PDZRN3: variants seen among roughly 807,000 people sequenced by gnomAD.
The protein encoded by PDZRN3 is E3 ubiquitin-protein ligase PDZRN3.
A neutral mutation model predicts 85.7 loss-of-function variants in PDZRN3; 38 were observed. The ratio of observed to expected loss-of-function variants is 0.44; its 90% CI spans 0.34 to 0.58. The LOEUF (loss-of-function observed/expected upper bound fraction) is 0.58, where lower values mean the gene tolerates loss of function less well. Among genes scored for constraint, PDZRN3 ranks in the 20% least tolerant of loss-of-function variants. The pLI is 0.01. For missense variants in PDZRN3, 1,629 were observed against 1,506.4 expected, an observed-to-expected ratio of 1.08 and a Z score of -1.35; for synonymous variants, 759 against 638.0, an observed-to-expected ratio of 1.19 and a Z score of -2.86.
chr3:73,569,194 G>A (rs750826285), intron 3 of PDZRN3: 1 of 1,289,014 alleles, frequency 7.8e-7, no homozygotes, highest in South Asian at 1.2e-5. Flanking sequence ...TGATTCATCA[G>A]GAGGAATCAG....
At chr3:73,387,907 C>G (rs1701431589) in intron 8 of PDZRN3, 61 bp downstream of exon 8, 1 of 783,824 alleles carries the variant, frequency 1.3e-6, no homozygotes, top group Non-Finnish European at 2.1e-6. Context: ...CTTTTGCAGG[C>G]CTGGGGATCT....
intron 3 of PDZRN3, among the ~76,000 whole-genome samples, chr3:73,428,564 G>A (rs188815242): frequency 8.3e-4 from 126 of 152,248 alleles, no homozygotes; most frequent in African/African-American, 3.0e-3. Context: ...GGGCACCTTG[G>A]AATACTTCAG....
Position 73,389,838 on chromosome 3 carries a change from C to T in PDZRN3, c.1394G>A (p.Arg465Gln), listed in dbSNP as rs187848097. The change falls in exon 7 of 10, where the codon CGA becomes CAA. Residue 465 changes from arginine to glutamine, a missense_variant. By Grantham distance (43) the Arg-to-Gln change is conservative. Coordinates refer to ENST00000263666, the MANE Select transcript of PDZRN3 (RefSeq NM_015009.3). ...TACCTGGATAATGCGGTCTCCTTCT[C>T]GGATGCGCCCATCCTTGGCTGCAAT... is the stretch of plus-strand genomic sequence containing the variant. ...NSIAAKDGRI[R>Q]EGDRIIQING... is the part of the protein sequence containing the mutation. 2.0e-5 allele frequency: 32 copies of T among 1,613,674 alleles called. No homozygotes were observed. Among genetic ancestry groups the T allele is most frequent in the African/African-American group, 2.7e-5 (2 of 75,010 alleles).
intron 3 of PDZRN3, among the ~76,000 whole-genome samples, chr3:73,491,865 C>T (rs1204520958): frequency 1.3e-5 from 2 of 151,972 alleles, no homozygotes; most frequent in African/African-American, 4.8e-5. Context: ...CCTTCCAAAG[C>T]ATTGGGATTA....
chr3:73,500,952 C>T (rs1460562698), intron 3 of PDZRN3, among the ~76,000 whole-genome samples: 1 of 152,094 alleles, frequency 6.6e-6, no homozygotes, highest in Non-Finnish European at 1.5e-5. Flanking sequence ...TTGCCTCCTA[C>T]GTGCAAGTCT....
intron 3 of PDZRN3, among the ~76,000 whole-genome samples, chr3:73,512,204 C>A (rs1269017317): frequency 6.6e-6 from 1 of 152,208 alleles, no homozygotes; most frequent in Non-Finnish European, 1.5e-5. Flanking sequence ...TGATTAAAAG[C>A]TAGGAGAGCA....
intron 3 of PDZRN3, among the ~76,000 whole-genome samples, chr3:73,599,581 T>A (rs768418381): frequency 2.4e-4 from 36 of 152,250 alleles, no homozygotes; most frequent in Non-Finnish European, 5.0e-4. Flanking sequence ...GTAAATTCTG[T>A]TATGTATATT....
intron 3 of PDZRN3, among the ~76,000 whole-genome samples, chr3:73,433,332 C>T (rs1280935607): frequency 1.3e-5 from 2 of 152,208 alleles, no homozygotes; most frequent in Non-Finnish European, 2.9e-5. Context: ...ACTCTTTGAC[C>T]CTTTGAGTTC....
At chr3:73,505,541 G>A (rs1465736415) in intron 3 of PDZRN3, among the ~76,000 whole-genome samples, 1 of 152,100 alleles carries the variant, frequency 6.6e-6, no homozygotes, top group African/African-American at 2.4e-5. Context: ...AGAAAATCAG[G>A]ATTTTTCAAA....
At chr3:73,558,431 G>T (rs990762402) in intron 3 of PDZRN3, among the ~76,000 whole-genome samples, 1 of 152,018 alleles carries the variant, frequency 6.6e-6, no homozygotes, top group South Asian at 2.1e-4. Flanking sequence ...AATAAACCAC[G>T]GTATACTCTC....
chr3:73,456,196 G>C (rs1358877988), intron 3 of PDZRN3, among the ~76,000 whole-genome samples: 1 of 151,562 alleles, frequency 6.6e-6, no homozygotes, highest in African/African-American at 2.4e-5. Context: ...GTGTGTGTGT[G>C]TGTGTGTGTG....
At chr3:73,534,142 T>A (rs1704724378) in intron 3 of PDZRN3, among the ~76,000 whole-genome samples, 1 of 152,212 alleles carries the variant, frequency 6.6e-6, no homozygotes, top group Admixed American at 6.5e-5. Context: ...AATTTACAAG[T>A]GAGCAAATGA....
At chr3:73,540,934 G>A (rs1704906025) in intron 3 of PDZRN3, among the ~76,000 whole-genome samples, 2 of 152,130 alleles carry the variant, frequency 1.3e-5, no homozygotes, top group South Asian at 2.1e-4. Context: ...CATTACCCCT[G>A]AGATGCATGT....
intron 3 of PDZRN3, among the ~76,000 whole-genome samples, chr3:73,468,251 G>C (rs972501048): frequency 2.0e-5 from 3 of 152,102 alleles, no homozygotes; most frequent in Admixed American, 2.0e-4. Context: ...CAAGAAATGT[G>C]GGCAGCCTCT....
chr3:73,578,400 GAC>G (rs1369364318), intron 3 of PDZRN3, among the ~76,000 whole-genome samples: 1 of 152,100 alleles, frequency 6.6e-6, no homozygotes, highest in Non-Finnish European at 1.5e-5. Context: ...TCGATCTCCT[GAC>G]CTCGTGATCC....
intron 3 of PDZRN3, among the ~76,000 whole-genome samples, chr3:73,483,697 T>C (rs767601689): frequency 6.6e-6 from 1 of 152,168 alleles, no homozygotes; most frequent in African/African-American, 2.4e-5. Context: ...TGAGGTGGGT[T>C]TAATTGACCA....
At chr3:73,489,575 C>CTTTTTTTTTTCTTT (rs1553694900) in intron 3 of PDZRN3, among the ~76,000 whole-genome samples, 3 of 80,096 alleles carry the variant, frequency 3.7e-5, no homozygotes, top group Admixed American at 1.9e-4. Flanking sequence ...AGTTTCTTTT[C>CTTTTTTTTTTCTTT]TTTTTTTTTT....
At chr3:73,476,339 G>C (rs1703448417) in intron 3 of PDZRN3, among the ~76,000 whole-genome samples, 1 of 152,072 alleles carries the variant, frequency 6.6e-6, no homozygotes, top group South Asian at 2.1e-4. Flanking sequence ...GACAGTGAAG[G>C]GAAAAGTGCT....
chr3:73,548,679 T>TA (rs1701484922), intron 3 of PDZRN3, among the ~76,000 whole-genome samples: 1 of 152,250 alleles, frequency 6.6e-6, no homozygotes. Context: ...AAATGAGGTT[T>TA]CTGCAGGGAG....
Sources: gnomAD v4.1 joint callset for allele counts (sites outside exome capture counted in the v4.1 genomes callset) on GRCh38, gnomAD v4.1.1 for gene constraint, MANE v1.5 for transcripts, NCBI Gene and HGNC (gene_info 2026-07-23, HGNC 2026-07-21) for gene names.